RUFY3: variants seen among roughly 807,000 people sequenced by gnomAD.
The protein encoded by RUFY3 is RUN and FYVE domain containing 3, also known as protein RUFY3.
In RUFY3, 34 loss-of-function variants were observed where a neutral mutation model predicts 84.0. The observed-to-expected ratio is 0.40, with a 90% CI of 0.31 to 0.54. RUFY3 has a LOEUF of 0.54. Ranked by LOEUF, RUFY3 falls within the 20% of genes least tolerant of loss-of-function variation. The pLI, the probability that RUFY3 is intolerant of heterozygous loss-of-function variation, is 0.39. For missense variants in RUFY3, 507 were observed against 736.8 expected (o/e 0.69, Z 3.61); for synonymous variants, 242 against 252.9 (o/e 0.96, Z 0.41).
In RUFY3 at chr4:70,762,697, G is replaced by A. The variant is rs748531863; in HGVS notation, c.352+5G>A. ...GTCTGAAACATGGCTTGAAAGGTAG[G>A]CCATCACCCCAAAATGCAAATATGC... On this transcript the variant is annotated splice_donor_5th_base_variant and intron_variant, in intron 2 of 17. Transcript: ENST00000381006. The A allele has an allele frequency of 3.1e-6, 5 of 1,605,130 alleles. No homozygotes were observed. The highest frequency in any genetic ancestry group is 2.7e-5 in the African/African-American group (2 of 74,718).
intron 1 of RUFY3, among the ~76,000 whole-genome samples, chr4:70,752,237 C>T (rs977816399): frequency 3.3e-5 from 5 of 152,078 alleles, no homozygotes; most frequent in Non-Finnish European, 7.4e-5. Flanking sequence ...CTAATGTATA[C>T]AAATATAATT....
At chr4:70,745,023 C>T (rs148936715) in intron 1 of RUFY3, among the ~76,000 whole-genome samples, 1,649 of 151,654 alleles carry the variant, frequency 0.011, 26 homozygotes, top group African/African-American at 0.038. Context: ...GGTGCAATCT[C>T]GGCTCACTGC....
At chr4:70,764,325 C>A in intron 3 of RUFY3, 150 bp from the exon 4 acceptor site, 1 of 525,514 alleles carries the variant, frequency 1.9e-6, no homozygotes, top group South Asian at 3.4e-5. Flanking sequence ...AAATTCCTTG[C>A]ATGGGAATGT....
At chr4:70,709,111 GA>G (rs1453974632) in intron 1 of RUFY3, among the ~76,000 whole-genome samples, 1 of 152,184 alleles carries the variant, frequency 6.6e-6, no homozygotes, top group East Asian at 1.9e-4. Flanking sequence ...TTTGTCACAT[GA>G]ATTGTTTTGT....
intron 1 of RUFY3, among the ~76,000 whole-genome samples, chr4:70,711,090 A>T (rs1219209127): frequency 2.7e-5 from 4 of 149,936 alleles, no homozygotes; most frequent in African/African-American, 9.9e-5. Context: ...AAAAAAAAAA[A>T]AGAAGTATGT....
chr4:70,793,369 G>T, intron 12 of RUFY3: 3 of 1,028,472 alleles, frequency 2.9e-6, no homozygotes, highest in Non-Finnish European at 3.5e-6. Context: ...ACAAGTTCCA[G>T]TTATGTGTGT....
chr4:70,705,195 C>T (rs1740130311), exon 1 of RUFY3: 2 of 1,462,388 alleles, frequency 1.4e-6, no homozygotes, highest in Non-Finnish European at 1.8e-6. Context: ...GCAGCAGCAG[C>T]GCTCCTGGAG....
intron 1 of RUFY3, among the ~76,000 whole-genome samples, chr4:70,761,034 TG>T (rs1245980581): frequency 1.3e-5 from 2 of 152,372 alleles, no homozygotes; most frequent in South Asian, 2.1e-4. Flanking sequence ...TTAAACAGTC[TG>T]TTTTTTGCTA....
chr4:70,794,747 T>C (rs377747370), intron 13 of RUFY3, 48 bp from the exon 14 acceptor site: 1 of 1,205,604 alleles, frequency 8.3e-7, no homozygotes, highest in Non-Finnish European at 1.2e-6. Context: ...AGAATATGTC[T>C]GTATAGAATT....
chr4:70,757,428 G>A (rs1724218162), intron 1 of RUFY3, among the ~76,000 whole-genome samples: 1 of 152,058 alleles, frequency 6.6e-6, no homozygotes, highest in African/African-American at 2.4e-5. Flanking sequence ...AATATGGTGA[G>A]ACCCTGTCTC....
intron 12 of RUFY3, among the ~76,000 whole-genome samples, chr4:70,790,579 ATCTG>A (rs1730647057): frequency 6.6e-6 from 1 of 152,158 alleles, no homozygotes; most frequent in African/African-American, 2.4e-5. Flanking sequence ...GCTAGAAATG[ATCTG>A]TCTTTCTGGG....
chr4:70,722,906 T>C (rs1577944111), intron 1 of RUFY3, among the ~76,000 whole-genome samples, 155 bp downstream of exon 1: 1 of 152,222 alleles, frequency 6.6e-6, no homozygotes, highest in Non-Finnish European at 1.5e-5. Flanking sequence ...GCTCCCCTTC[T>C]CTTGCTCATG....
chr4:70,749,196 C>G (rs1179598143), intron 1 of RUFY3, among the ~76,000 whole-genome samples: 2 of 151,996 alleles, frequency 1.3e-5, no homozygotes, highest in East Asian at 3.9e-4. Context: ...TATGTTGTAT[C>G]AAAACAACGA....
chr4:70,769,793 T>C (rs1050457113), intron 5 of RUFY3, among the ~76,000 whole-genome samples: 2 of 152,302 alleles, frequency 1.3e-5, no homozygotes, highest in Admixed American at 1.3e-4. Context: ...CTGTCTTTGT[T>C]GTACCCTTTA....
intron 12 of RUFY3, chr4:70,792,591 G>T (rs1016369201): frequency 1.9e-5 from 19 of 985,252 alleles, no homozygotes; most frequent in Non-Finnish European, 2.3e-5. Context: ...AAATACTTGG[G>T]TTTTTTTCTC....
At chr4:70,776,203 A>G (rs891363949) in intron 7 of RUFY3, among the ~76,000 whole-genome samples, 9 of 152,194 alleles carry the variant, frequency 5.9e-5, no homozygotes, top group Non-Finnish European at 2.9e-5. Flanking sequence ...ATATGTACCT[A>G]TGATAAAGTT....
At chr4:70,734,603 A>G in intron 1 of RUFY3, 1 of 976,238 alleles carries the variant, frequency 1.0e-6, no homozygotes, top group Non-Finnish European at 1.2e-6. Context: ...GGTAAGTTTT[A>G]CCCACTTAGC....
intron 1 of RUFY3, among the ~76,000 whole-genome samples, chr4:70,709,704 G>C (rs1469187814): frequency 6.6e-6 from 1 of 152,176 alleles, no homozygotes; most frequent in African/African-American, 2.4e-5. Flanking sequence ...CTTCCCTTTA[G>C]TGTTGGTTGG....
intron 1 of RUFY3, among the ~76,000 whole-genome samples, chr4:70,727,027 G>A (rs1001380949): frequency 2.0e-5 from 3 of 149,234 alleles, no homozygotes; most frequent in Non-Finnish European, 4.4e-5. Flanking sequence ...AAAGCGTAGT[G>A]GGATTTCTTT....
Sources: gnomAD v4.1 joint callset for allele counts (sites outside exome capture counted in the v4.1 genomes callset) on GRCh38, gnomAD v4.1.1 for gene constraint, MANE v1.5 for transcripts, NCBI Gene and HGNC (gene_info 2026-07-23, HGNC 2026-07-21) for gene names.